Variants in STAB2 observed in about 807,000 individuals in gnomAD.
The protein encoded by STAB2 is stabilin-2.
A neutral mutation model predicts 338.1 loss-of-function variants in STAB2; 288 were observed. The observed-to-expected ratio is 0.85, with a 90% CI of 0.77 to 0.94. The LOEUF (loss-of-function observed/expected upper bound fraction) is 0.94. Among genes scored for constraint, STAB2 ranks in the 40% least tolerant of loss-of-function variants. STAB2 has a pLI of 0.00. For missense variants in STAB2, 3,141 were observed against 3,210.1 expected (o/e 0.98, Z 0.52); for synonymous variants, 1,202 against 1,193.3 (o/e 1.01, Z -0.15).
intron 46 of STAB2, among the ~76,000 whole-genome samples, chr12:103,727,036 T>C (rs961924545): frequency 2.6e-5 from 4 of 152,232 alleles, no homozygotes. Flanking sequence ...CTTTGTGCTG[T>C]ATTTTCAAAA....
At chr12:103,592,850 C>T (rs1956820649) in intron 2 of STAB2, among the ~76,000 whole-genome samples, 1 of 152,200 alleles carries the variant, frequency 6.6e-6, no homozygotes, top group Non-Finnish European at 1.5e-5. Flanking sequence ...ATTTTCTCAT[C>T]CTTCCAACCC....
chr12:103,751,912 G>A (rs1296896212), intron 60 of STAB2, among the ~76,000 whole-genome samples: 1 of 152,154 alleles, frequency 6.6e-6, no homozygotes, highest in African/African-American at 2.4e-5. Context: ...CCATTAGCTT[G>A]GGAGAATGCC....
intron 22 of STAB2, among the ~76,000 whole-genome samples, 157 bp downstream of exon 22, chr12:103,670,964 C>T (rs1342336140): frequency 6.6e-6 from 1 of 152,150 alleles, no homozygotes; most frequent in Non-Finnish European, 1.5e-5. Flanking sequence ...CAAACTGGAG[C>T]GTGTGTCAGA....
Position 103,645,330 on chromosome 12 carries a change from A to G in STAB2, c.1041-3360A>G, listed in dbSNP as rs185682131. ...CAGACTTTGGACTGAGATTTGAAAT[A>G]AAAATTTAAAATAGTGATGTCTCAT... On this transcript the variant is annotated intron_variant, in intron 9 of 68. Coordinates refer to ENST00000388887, the MANE Select transcript of STAB2 (RefSeq NM_017564.10). Among the ~76,000 whole-genome samples the G allele has an allele frequency of 3.9e-4, 59 of 152,350 alleles. 1 individual carries two copies. Among genetic ancestry groups the G allele is most frequent in the African/African-American group, 1.4e-3 (57 of 41,580 alleles).
intron 22 of STAB2, among the ~76,000 whole-genome samples, chr12:103,671,997 C>T (rs562356804): frequency 6.6e-6 from 1 of 152,294 alleles, no homozygotes; most frequent in South Asian, 2.1e-4. Flanking sequence ...TATTTCTTCA[C>T]CTATAAAATG....
chr12:103,672,367 G>T (rs946790334), intron 22 of STAB2, among the ~76,000 whole-genome samples: 2 of 152,194 alleles, frequency 1.3e-5, no homozygotes, highest in African/African-American at 4.8e-5. Context: ...GGCCAGCCGG[G>T]CAGGACACCA....
intron 28 of STAB2, among the ~76,000 whole-genome samples, chr12:103,689,535 A>T (rs751684479): frequency 1.3e-5 from 2 of 152,096 alleles, no homozygotes; most frequent in Non-Finnish European, 2.9e-5. Flanking sequence ...GCACACACAC[A>T]TACTCACAAG....
In STAB2 at chr12:103,763,482, TTC is replaced by T; in HGVS notation, c.7489-9_7489-8del. The T allele has an allele frequency of 6.2e-7, 1 of 1,613,322 alleles. No individual in the cohort carries two copies. The highest frequency in any genetic ancestry group is 8.5e-7 in the Non-Finnish European group (1 of 1,179,474). Reference sequence around the variant, plus strand: ...ATGCTCCTGGCTTTCATGCTTGTCTTTCCAAACAGTCGGAAGAGGACATTAAT... The same window carrying T: ...ATGCTCCTGGCTTTCATGCTTGTCTTCAAACAGTCGGAAGAGGACATTAAT... On this transcript the variant is annotated splice_region_variant and splice_polypyrimidine_tract_variant and intron_variant, in intron 67 of 68. Transcript: ENST00000388887.
intron 57 of STAB2, chr12:103,746,256 G>C: frequency 5.0e-6 from 1 of 199,276 alleles, no homozygotes; most frequent in Admixed American, 5.5e-5. Context: ...CATATCCATC[G>C]GGAACCCCTG....
intron 15 of STAB2, among the ~76,000 whole-genome samples, chr12:103,658,516 G>A (rs1185381133): frequency 2.6e-5 from 4 of 152,096 alleles, no homozygotes; most frequent in Non-Finnish European, 4.4e-5. Flanking sequence ...AATTCCTGAG[G>A]CTTTGAAAGT....
At chr12:103,670,874 G>T in intron 22 of STAB2, 67 bp downstream of exon 22, 1 of 1,308,718 alleles carries the variant, frequency 7.6e-7, no homozygotes, top group Non-Finnish European at 1.1e-6. Context: ...GCAGCAGGGT[G>T]CTGGTGCAGG....
intron 52 of STAB2, 60 bp from the exon 53 acceptor site, chr12:103,737,574 T>TTCTGTC: frequency 9.8e-7 from 1 of 1,015,902 alleles, no homozygotes; most frequent in Non-Finnish European, 1.3e-6. Context: ...GATTGACTGT[T>TTCTGTC]TCTCTCTCTC....
intron 3 of STAB2, among the ~76,000 whole-genome samples, chr12:103,601,197 T>G (rs982646188): frequency 5.9e-5 from 9 of 152,130 alleles, no homozygotes; most frequent in African/African-American, 1.9e-4. Context: ...GTGCACGTAA[T>G]GTGCTTGGCA....
intron 5 of STAB2, among the ~76,000 whole-genome samples, chr12:103,628,589 T>G (rs527440991): frequency 9.0e-4 from 137 of 152,194 alleles, no homozygotes; most frequent in Non-Finnish European, 1.9e-3. Context: ...CTTCCTTGCT[T>G]CTTTCATCCT....
At position 103,670,801 on chromosome 12, in the gene STAB2, A is replaced by G. The variant is rs149381361; in HGVS notation, c.2365A>G (p.Asn789Asp). The G allele has an allele frequency of 6.2e-7, 1 of 1,613,478 alleles. No homozygotes were observed. The highest frequency in any genetic ancestry group is 2.2e-5 in the East Asian group (1 of 44,870). The stretch of plus-strand genomic sequence containing the variant: ...TCCCAATAAATACGGACCTCGGTGT[A>G]ACAAAAGTAAGTGGCACTTCCAGAG... Reference protein sequence around the residue: ...SDPNKYGPRCNKKCLCVHGTC... With the variant: ...SDPNKYGPRCDKKCLCVHGTC... The change falls in exon 22 of 69, where the codon AAC (asparagine) becomes GAC (aspartate). Residue 789 changes from asparagine (N) to aspartate (D), a missense_variant. Coordinates refer to ENST00000388887, the MANE Select transcript of STAB2 (RefSeq NM_017564.10).
chr12:103,701,788 G>A (rs192875646), intron 34 of STAB2, among the ~76,000 whole-genome samples: 146 of 151,742 alleles, frequency 9.6e-4, no homozygotes, highest in African/African-American at 3.2e-3. Context: ...ACATCCAAAT[G>A]GAAGCTCATT....
rs777209439 is a variant in STAB2, at chr12:103,640,231, A to T, written c.1015A>T (p.Thr339Ser). 4 of 1,613,732 alleles carry T rather than the reference A, an allele frequency of 2.5e-6. No individual in the cohort carries two copies. Among genetic ancestry groups the T allele is most frequent in the Admixed American group, 3.3e-5 (2 of 60,018 alleles). ...CCCGTGTCATAGGAATGCAAATTGC[A>T]CCACCGTCGCACCAGGCCGAACTGA... ...DNPCHRNANC[T>S]TVAPGRTECI... Residue 339 changes from threonine to serine, a missense_variant, in exon 9 of 69, where the codon ACC becomes TCC. Thr to Ser is a moderately conservative substitution (Grantham distance 58). Transcript: ENST00000388887.
In STAB2 at chr12:103,647,144, G is replaced by A. The variant is rs185335168; in HGVS notation, c.1041-1546G>A. On this transcript the variant is annotated intron_variant, in intron 9 of 68. Transcript: ENST00000388887. ...AGCACACAGGTGCCAGAATTTTAAA[G>A]CGCAGTCAGGAGACTGCATGAAAAA... Among the ~76,000 whole-genome samples, 3 of 152,188 alleles carry A rather than the reference G, an allele frequency of 2.0e-5. No homozygotes were observed. In the South Asian group the frequency reaches 6.2e-4, roughly 31 times the overall value.
intron 49 of STAB2, among the ~76,000 whole-genome samples, chr12:103,731,050 G>A (rs995019233): frequency 6.6e-6 from 1 of 152,154 alleles, no homozygotes; most frequent in African/African-American, 2.4e-5. Flanking sequence ...GGCAACCAGA[G>A]TGAGATCCTG....
Sources: allele counts gnomAD v4.1 joint callset (sites outside exome capture counted in the v4.1 genomes callset), GRCh38; gene constraint gnomAD v4.1.1; transcripts MANE v1.5; gene names NCBI Gene and HGNC (gene_info 2026-07-23, HGNC 2026-07-21).